RPS6KA2: variants seen among roughly 807,000 people sequenced by gnomAD.
The protein encoded by RPS6KA2 is ribosomal protein S6 kinase alpha-2.
A neutral mutation model predicts 91.8 loss-of-function variants in RPS6KA2; 42 were observed. The observed-to-expected ratio is 0.46, with a 90% confidence interval of 0.36 to 0.59. RPS6KA2 has a LOEUF of 0.59. RPS6KA2 is among the 20% of genes least tolerant of loss of function. RPS6KA2 has a pLI of 0.00. For synonymous variants in RPS6KA2, 414 were observed against 393.6 expected, an observed-to-expected ratio of 1.05 and a Z score of -0.61; for missense variants, 798 against 978.5, an observed-to-expected ratio of 0.82 and a Z score of 2.46.
chr6:166,414,114 T>TTAAATATTACCAAACTTGGA (rs1397461823), intron 19 of RPS6KA2, among the ~76,000 whole-genome samples, 183 bp from the exon 20 acceptor site: 1 of 152,246 alleles, frequency 6.6e-6, no homozygotes, highest in Non-Finnish European at 1.5e-5. Flanking sequence ...GTTTTTAGCT[T>TTAAATATTACCAAACTTGGA]TAAATATTAC....
rs771841445 is a variant in RPS6KA2 at position 166,603,374 on chromosome 6, C to T, written c.99+23547G>A. Among the ~76,000 whole-genome samples the T allele has an allele frequency of 2.7e-4, 41 of 152,118 alleles. No individual in the cohort carries two copies. Among genetic ancestry groups the T allele is most frequent in the Admixed American group, 7.2e-4 (11 of 15,280 alleles). Reference sequence around the variant, plus strand: ...AGGAACTCAGCGCAGCCTCAGAGTGCGTGGGGTGGGGCAGAGCTCTGGGAG... The same window carrying T: ...AGGAACTCAGCGCAGCCTCAGAGTGTGTGGGGTGGGGCAGAGCTCTGGGAG... On this transcript the variant is annotated intron_variant, in intron 1 of 20. Coordinates refer to ENST00000265678, the MANE Select transcript of RPS6KA2 (RefSeq NM_021135.6). The surrounding 1 kb of genome is among the most constrained non-coding windows in gnomAD (Gnocchi z 4.3).
intron 2 of RPS6KA2, among the ~76,000 whole-genome samples, chr6:166,536,300 T>G (rs1783476335): frequency 6.6e-6 from 1 of 152,222 alleles, no homozygotes; most frequent in Admixed American, 6.5e-5. Context: ...TTCTGCAGAA[T>G]GAGAACATTC....
chr6:166,578,876 G>A (rs900996493), intron 1 of RPS6KA2, among the ~76,000 whole-genome samples: 2 of 152,192 alleles, frequency 1.3e-5, no homozygotes, highest in Non-Finnish European at 2.9e-5. Flanking sequence ...AGAGATATGT[G>A]AGGGACAGGA....
intron 14 of RPS6KA2, among the ~76,000 whole-genome samples, chr6:166,444,209 A>G (rs1045747110): frequency 2.2e-4 from 33 of 152,168 alleles, no homozygotes; most frequent in Admixed American, 1.3e-3. Flanking sequence ...TCTTTCAAAT[A>G]CACCTCTCCC....
intron 10 of RPS6KA2, among the ~76,000 whole-genome samples, chr6:166,480,230 C>G (rs1005143872): frequency 6.6e-6 from 1 of 151,922 alleles, no homozygotes; most frequent in African/African-American, 2.4e-5. Flanking sequence ...CAAATGTGTG[C>G]CTCTGTGCTA....
chr6:166,810,380 A>G (rs1779599295), intron 2 of RPS6KA2, among the ~76,000 whole-genome samples: 1 of 152,208 alleles, frequency 6.6e-6, no homozygotes, highest in African/African-American at 2.4e-5. Flanking sequence ...AGTAACATGG[A>G]AAGATCTGAG....
chr6:166,862,304 G>A (rs566492941), exon 1 of RPS6KA2: 4 of 1,555,080 alleles, frequency 2.6e-6, no homozygotes, highest in Admixed American at 1.8e-5. Context: ...GGGTGGCGGC[G>A]ATGGAGAGGA....
chr6:166,640,505 G>C (rs942154825), intron 2 of RPS6KA2, among the ~76,000 whole-genome samples: 2 of 152,180 alleles, frequency 1.3e-5, no homozygotes, highest in Non-Finnish European at 2.9e-5. Flanking sequence ...TCGGGAGGAA[G>C]CTGGGGCTGG....
chr6:166,674,031 G>T (rs1011193541), intron 2 of RPS6KA2, among the ~76,000 whole-genome samples: 1 of 152,234 alleles, frequency 6.6e-6, no homozygotes, highest in African/African-American at 2.4e-5. Flanking sequence ...GAAGAGAGCT[G>T]CATCGCTGGG....
chr6:166,601,625 A>T (rs1171969244), intron 1 of RPS6KA2, among the ~76,000 whole-genome samples: 1 of 152,234 alleles, frequency 6.6e-6, no homozygotes, highest in African/African-American at 2.4e-5. Context: ...GTGTGAATTC[A>T]GAAGTGCTTG....
rs929815651 is a variant in RPS6KA2 at position 166,508,081 on chromosome 6, C to A, written c.459+122G>T. On this transcript the variant is annotated intron_variant, in intron 5 of 20. Transcript: ENST00000265678. This position sits in a 1 kb window ranked among gnomAD's most constrained non-coding sequence, Gnocchi z 4.3. ...CACACACTCACACATGCACACACCC[C>A]CACACACACACACGCACTCTCGCAC... The A allele has an allele frequency of 5.0e-5, 31 of 625,158 alleles. No homozygotes were observed. Among genetic ancestry groups the A allele is most frequent in the Non-Finnish European group, 7.0e-5 (24 of 343,368 alleles). The allele number at this position is 625,158 out of a possible 1,614,324, so 38.7% of individuals were successfully genotyped here.
rs1330650242 is a variant in RPS6KA2, at chr6:166,433,421, T to A, written c.1333-931A>T. Among the ~76,000 whole-genome samples the A allele has an allele frequency of 1.3e-5, 2 of 152,182 alleles. No individual in the cohort carries two copies. The highest frequency in any genetic ancestry group is 6.5e-5 in the Admixed American group (1 of 15,280). On this transcript the variant is annotated intron_variant, in intron 14 of 20. Coordinates refer to ENST00000265678, the MANE Select transcript of RPS6KA2 (RefSeq NM_021135.6). This position sits in a 1 kb window ranked among gnomAD's most constrained non-coding sequence, Gnocchi z 4.4. The stretch of plus-strand genomic sequence containing the variant: ...CTACCTTGGAAACAGGAAGTCGCTG[T>A]TGGTCCCTGGTGGCTAATCCCTCTG...
intron 3 of RPS6KA2, among the ~76,000 whole-genome samples, chr6:166,514,496 T>C (rs1188176947): frequency 1.3e-5 from 2 of 152,146 alleles, no homozygotes; most frequent in Non-Finnish European, 2.9e-5. Flanking sequence ...GGCCAAGGGA[T>C]GGCCCTGTAG....
chr6:166,548,732 C>G (rs561353211), intron 1 of RPS6KA2, among the ~76,000 whole-genome samples: 1 of 152,150 alleles, frequency 6.6e-6, no homozygotes, highest in Non-Finnish European at 1.5e-5. Flanking sequence ...TACAAAACTT[C>G]TAGAAGAAAA....
At position 166,517,093 on chromosome 6, in the gene RPS6KA2, C is replaced by A. The variant is rs575283994; in HGVS notation, c.299-6736G>T. 9.9e-5 allele frequency among the ~76,000 whole-genome samples: 15 copies of A among 151,866 alleles called. No homozygotes were observed. In the South Asian group the frequency reaches 2.7e-3, roughly 27 times the overall value. Reference sequence around the variant, plus strand: ...TTATATTCAAATTTTGAAGGGACTACCTAGTTACAGTAAAAAAAAAAATAG... The same window carrying A: ...TTATATTCAAATTTTGAAGGGACTAACTAGTTACAGTAAAAAAAAAAATAG... On this transcript the variant is annotated intron_variant, in intron 3 of 20. Transcript: ENST00000265678.
At chr6:166,679,006 T>G (rs1436366863) in intron 2 of RPS6KA2, among the ~76,000 whole-genome samples, 1 of 152,242 alleles carries the variant, frequency 6.6e-6, no homozygotes, top group Non-Finnish European at 1.5e-5. Context: ...TGTTTACAAG[T>G]AATATTAATT....
chr6:166,852,704 C>T lies in RPS6KA2; in HGVS notation c.123+5496G>A, dbSNP rs527625368. On this transcript the variant is annotated intron_variant, in intron 2 of 21. Coordinates refer to the RPS6KA2 transcript ENST00000503859. This position sits in a 1 kb window ranked among gnomAD's most constrained non-coding sequence, Gnocchi z 4.1. ...GGGAGCTGGGCATTGGAGGAGGCCA[C>T]GCTGACACGCTCAGGAGCTCATCCC... Among the ~76,000 whole-genome samples the T allele has an allele frequency of 6.6e-5, 10 of 152,228 alleles. No individual in the cohort carries two copies. The East Asian group carries it at 1.2e-3, about 18-fold the overall frequency.
At chr6:166,683,743 C>A (rs920840411) in intron 2 of RPS6KA2, among the ~76,000 whole-genome samples, 1 of 152,244 alleles carries the variant, frequency 6.6e-6, no homozygotes, top group Non-Finnish European at 1.5e-5. Context: ...CTTTTCGCAT[C>A]CAGGGCCTCA....
At chr6:166,487,239 C>A (rs1420556306) in intron 10 of RPS6KA2, among the ~76,000 whole-genome samples, 1 of 152,164 alleles carries the variant, frequency 6.6e-6, no homozygotes, top group African/African-American at 2.4e-5. Flanking sequence ...TCCTGACACA[C>A]ACCCACGTGC....
Sources: allele counts gnomAD v4.1 joint callset (sites outside exome capture counted in the v4.1 genomes callset), GRCh38; gene constraint gnomAD v4.1.1; non-coding constraint Gnocchi (gnomAD v3.1); transcripts MANE v1.5; gene names NCBI Gene and HGNC (gene_info 2026-07-23, HGNC 2026-07-21).